Variants in ZBTB38 observed in about 807,000 individuals in gnomAD.
ZBTB38 encodes the protein zinc finger and BTB domain containing 38, also known as zinc finger and BTB domain-containing protein 38.
Under a neutral mutation model 76.8 loss-of-function variants are expected in ZBTB38, and 20 were observed. The observed-to-expected ratio is 0.26, with a 90% CI of 0.18 to 0.38. ZBTB38 has a LOEUF of 0.38. ZBTB38 is among the 10% of genes least tolerant of loss of function. The pLI is 1.00. For synonymous variants in ZBTB38, 504 were observed against 544.2 expected, an observed-to-expected ratio of 0.93 and a Z score of 1.03; for missense variants, 1,082 against 1,482.3, an observed-to-expected ratio of 0.73 and a Z score of 4.43.
chr3:141,383,106 T>A (rs1418257269), intron 3 of ZBTB38, among the ~76,000 whole-genome samples: 1 of 152,090 alleles, frequency 6.6e-6, no homozygotes, highest in African/African-American at 2.4e-5. Flanking sequence ...ATGTAGTAGG[T>A]TCTCCATAAG....
At chr3:141,417,666 C>G (rs1424100744) in intron 5 of ZBTB38, among the ~76,000 whole-genome samples, 1 of 152,142 alleles carries the variant, frequency 6.6e-6, no homozygotes, top group Non-Finnish European at 1.5e-5. Flanking sequence ...CAAATCATTC[C>G]TATATTAAAT....
intron 1 of ZBTB38, among the ~76,000 whole-genome samples, chr3:141,359,853 C>T (rs993480624): frequency 3.3e-5 from 5 of 152,082 alleles, no homozygotes; most frequent in African/African-American, 1.2e-4. Flanking sequence ...ATTGCTTGAG[C>T]CCTGAAGGTT....
chr3:141,444,083 T>G lies in ZBTB38; in HGVS notation c.1695T>G (p.Leu565=), dbSNP rs752569316. The stretch of plus-strand genomic sequence containing the variant: ...AGCCTAGTGTCTATCCGTATAAACT[T>G]TATAGGCTACTGCCTATGAAATGCA... The part of the protein sequence containing the change: ...GLKPSVYPYK[L]YRLLPMKCKR... The change falls in exon 6 of 6, where the codon CTT becomes CTG. Residue 565 remains leucine (L), a synonymous_variant. Transcript: ENST00000321464. The surrounding 1 kb of genome is among the most constrained non-coding windows in gnomAD (Gnocchi z 5.1). 1.9e-6 allele frequency: 3 copies of G among 1,614,134 alleles called. No homozygotes were observed. Among genetic ancestry groups the G allele is most frequent in the Non-Finnish European group, 2.5e-6 (3 of 1,180,026 alleles).
intron 5 of ZBTB38, among the ~76,000 whole-genome samples, chr3:141,424,295 G>A (rs1053461304): frequency 1.3e-5 from 2 of 152,300 alleles, no homozygotes; most frequent in African/African-American, 4.8e-5. Context: ...AAAGCCAGAG[G>A]ATCACTTACG....
intron 5 of ZBTB38, among the ~76,000 whole-genome samples, chr3:141,433,321 G>GTTTTTTT (rs1388752539): frequency 7.0e-6 from 1 of 143,128 alleles, no homozygotes. Context: ...TTTGACTTTT[G>GTTTTTTT]TTTTGTTTTT....
intron 1 of ZBTB38, among the ~76,000 whole-genome samples, chr3:141,330,269 G>A (rs1942808511): frequency 6.6e-6 from 1 of 152,178 alleles, no homozygotes; most frequent in Non-Finnish European, 1.5e-5. Context: ...GGCTGCAGCT[G>A]CAATTAATGC....
rs775632291 is a variant in ZBTB38 at position 141,444,808 on chromosome 3, A to C, written c.2420A>C (p.Asn807Thr). 3.7e-6 allele frequency: 6 copies of C among 1,614,154 alleles called. No homozygotes were observed. In the South Asian group the frequency reaches 6.6e-5, roughly 18 times the overall value. ...DPGGSLSKTT[N>T]IAEETSKIET... ...GGAGGATCACTGAGCAAAACCACAA[A>C]TATTGCTGAAGAAACCAGCAAAATT... Residue 807 changes from asparagine (N) to threonine (T), a missense_variant, in exon 6 of 6, where the codon AAT becomes ACT. Asn to Thr is a moderately conservative substitution (Grantham distance 65). Around this residue, in one of 8 missense-constraint regions of ZBTB38, gnomAD observed 471 missense variants for 581.0 expected, o/e 0.81. Coordinates refer to ENST00000321464, the MANE Select transcript of ZBTB38 (RefSeq NM_001376113.1). This position sits in a 1 kb window ranked among gnomAD's most constrained non-coding sequence, Gnocchi z 5.1.
rs370978485 is a variant in ZBTB38, at chr3:141,443,147, T to G, written c.759T>G (p.Cys253Trp). The change falls in exon 6 of 6, where the codon TGT becomes TGG. Residue 253 changes from cysteine to tryptophan, a missense_variant. Transcript: ENST00000321464. This position sits in a 1 kb window ranked among gnomAD's most constrained non-coding sequence, Gnocchi z 5.6. ...SSPGNTGKEN[C>W]EALAAKPKTC... Reference sequence around the variant, plus strand: ...CTGGTAACACAGGGAAAGAAAATTGTGAAGCCCTTGCAGCGAAACCGAAAA... The same window carrying G: ...CTGGTAACACAGGGAAAGAAAATTGGGAAGCCCTTGCAGCGAAACCGAAAA... 7 of 1,614,082 alleles carry G rather than the reference T, an allele frequency of 4.3e-6. No individual in the cohort carries two copies. In the African/African-American group the frequency reaches 6.7e-5, roughly 15 times the overall value.
At chr3:141,384,663 G>A (rs1946679146) in intron 3 of ZBTB38, 1 of 152,200 alleles carries the variant, frequency 6.6e-6, no homozygotes, top group African/African-American at 2.4e-5. Flanking sequence ...CCATGGTAAA[G>A]GAGGAATTGG....
At chr3:141,355,355 A>G (rs1045395015) in intron 1 of ZBTB38, among the ~76,000 whole-genome samples, 8 of 152,120 alleles carry the variant, frequency 5.3e-5, no homozygotes, top group African/African-American at 1.9e-4. Context: ...TGACCCCTCC[A>G]TGGGCATGTA....
rs548554559 is a variant in ZBTB38, at chr3:141,445,957, T to C, written c.3569T>C (p.Val1190Ala). 1.2e-4 allele frequency: 187 copies of C among 1,582,526 alleles called. No homozygotes were observed. Among genetic ancestry groups the C allele is most frequent in the Non-Finnish European group, 1.5e-4 (180 of 1,168,908 alleles). Residue 1190 changes from valine (V) to alanine (A), a missense_variant, in exon 6 of 6, where the codon GTG (valine) becomes GCG (alanine). Physicochemically the swap from Val to Ala is moderately conservative, Grantham distance 64 (BLOSUM62 0). Coordinates refer to ENST00000321464, the MANE Select transcript of ZBTB38 (RefSeq NM_001376113.1). The surrounding 1 kb of genome is among the most constrained non-coding windows in gnomAD (Gnocchi z 6.5). ...CAAAAGGATAACATACAAACCGGTGTGGAAAATGTTGTCCTTTGAGTGGCA... is the reference window on the plus strand; with the variant it reads ...CAAAAGGATAACATACAAACCGGTGCGGAAAATGTTGTCCTTTGAGTGGCA... Reference protein sequence around the residue: ...NDQKDNIQTGVENVVL With the variant: ...NDQKDNIQTGAENVVL
At chr3:141,364,410 G>A (rs1178183639), upstream of ZBTB38, among the ~76,000 whole-genome samples, 1 of 151,616 alleles carries the variant, frequency 6.6e-6, no homozygotes, top group African/African-American at 2.4e-5. Context: ...AGTCCAGGTG[G>A]CTCACACCTG....
intron 5 of ZBTB38, among the ~76,000 whole-genome samples, chr3:141,406,125 G>A (rs1013935739): frequency 2.6e-5 from 4 of 152,252 alleles, no homozygotes; most frequent in African/African-American, 7.2e-5. Flanking sequence ...AGAACATTCA[G>A]TGCCAAATGA....
chr3:141,415,318 T>C (rs1158536462), intron 5 of ZBTB38, among the ~76,000 whole-genome samples: 1 of 152,218 alleles, frequency 6.6e-6, no homozygotes, highest in Non-Finnish European at 1.5e-5. Context: ...GGGCTTATGC[T>C]GTGTGGGCTG....
intron 2 of ZBTB38, among the ~76,000 whole-genome samples, chr3:141,376,220 G>A (rs2149094902): frequency 6.6e-6 from 1 of 152,078 alleles, no homozygotes; most frequent in South Asian, 2.1e-4. Flanking sequence ...CTCCCTACCC[G>A]CCCCAGTTCA....
At chr3:141,435,133 G>A (rs2078463040) in intron 5 of ZBTB38, among the ~76,000 whole-genome samples, 1 of 152,168 alleles carries the variant, frequency 6.6e-6, no homozygotes, top group Admixed American at 6.5e-5. Flanking sequence ...TCCAGCCTGG[G>A]TGGCAGAGCA....
intron 5 of ZBTB38, among the ~76,000 whole-genome samples, chr3:141,405,989 A>C (rs1361320268): frequency 6.6e-6 from 1 of 152,234 alleles, no homozygotes; most frequent in Non-Finnish European, 1.5e-5. Context: ...TTTCAATAAA[A>C]GAGATGGAGA....
chr3:141,356,269 G>T lies in ZBTB38; in HGVS notation c.-738-12352G>T, dbSNP rs899915151. On this transcript the variant is annotated intron_variant, in intron 1 of 7. Transcript: ENST00000509842. ...GTTAGGATTTCCTGCACAGCAGTTG[G>T]ACTAGGGCTGGAGTAAGGAATAGGA... Among the ~76,000 whole-genome samples the T allele has an allele frequency of 1.3e-5, 2 of 152,094 alleles. 1 individual carries two copies. The highest frequency in any genetic ancestry group is 4.1e-4 in the South Asian group (2 of 4,828).
chr3:141,343,052 C>G (rs1331641891), intron 1 of ZBTB38, among the ~76,000 whole-genome samples: 2 of 152,216 alleles, frequency 1.3e-5, no homozygotes, highest in African/African-American at 4.8e-5. Flanking sequence ...TCATCAGAAA[C>G]AAAGCTGCAA....
Sources: gnomAD v4.1 joint callset for allele counts (sites outside exome capture counted in the v4.1 genomes callset) on GRCh38, gnomAD v4.1.1 for gene constraint, gnomAD v4.1.1 regional missense constraint, Gnocchi (gnomAD v3.1) non-coding constraint, MANE v1.5 for transcripts, NCBI Gene and HGNC (gene_info 2026-07-23, HGNC 2026-07-21) for gene names.